Variants in VEPH1 observed in about 807,000 individuals in gnomAD.
The protein encoded by VEPH1 is ventricular zone expressed PH domain containing 1.
A neutral mutation model predicts 85.2 loss-of-function variants in VEPH1; 80 were observed. That is an observed-to-expected ratio of 0.94 (90% CI 0.78 to 1.13). The LOEUF (loss-of-function observed/expected upper bound fraction) is 1.13. Among genes scored for constraint, VEPH1 ranks in the 50% most tolerant of loss-of-function variants. The pLI is 0.00. For synonymous variants in VEPH1, 297 were observed against 348.0 expected, an observed-to-expected ratio of 0.85 and a Z score of 1.63; for missense variants, 955 against 980.5, an observed-to-expected ratio of 0.97 and a Z score of 0.35.
At chr3:157,456,028 T>C (rs1021587607) in intron 4 of VEPH1, among the ~76,000 whole-genome samples, 1 of 152,202 alleles carries the variant, frequency 6.6e-6, no homozygotes, top group Non-Finnish European at 1.5e-5. Context: ...GCATTCCTTT[T>C]TCTCCACAAC....
intron 5 of VEPH1, among the ~76,000 whole-genome samples, chr3:157,414,638 T>C (rs1490463215): frequency 1.2e-4 from 18 of 152,318 alleles, no homozygotes; most frequent in Admixed American, 5.9e-4. Flanking sequence ...ATTTATACCA[T>C]AGTCACATTA....
At chr3:157,426,805 GCT>G (rs1491581734) in intron 5 of VEPH1, among the ~76,000 whole-genome samples, 2 of 124,914 alleles carry the variant, frequency 1.6e-5, no homozygotes, top group African/African-American at 3.1e-5. Flanking sequence ...CAAATCTGTT[GCT>G]TTTTTTTTTT....
At chr3:157,465,366 G>T (rs1179776879) in intron 3 of VEPH1, among the ~76,000 whole-genome samples, 1 of 152,108 alleles carries the variant, frequency 6.6e-6, no homozygotes, top group Admixed American at 6.6e-5. Context: ...TGTTATTTTA[G>T]TCTCCTGCAG....
intron 9 of VEPH1, among the ~76,000 whole-genome samples, chr3:157,343,159 G>T (rs951761276): frequency 2.0e-5 from 3 of 152,032 alleles, no homozygotes; most frequent in Non-Finnish European, 4.4e-5. Context: ...CTAGCAGAAG[G>T]CAAGAAATAA....
chr3:157,397,856 C>G (rs1443819529), intron 6 of VEPH1, among the ~76,000 whole-genome samples: 1 of 152,204 alleles, frequency 6.6e-6, no homozygotes, highest in African/African-American at 2.4e-5. Flanking sequence ...AGCGCACAAC[C>G]ACATGCATTG....
intron 6 of VEPH1, among the ~76,000 whole-genome samples, chr3:157,411,857 C>G (rs2109025012): frequency 6.6e-6 from 1 of 152,270 alleles, no homozygotes; most frequent in African/African-American, 2.4e-5. Flanking sequence ...ACCAAATGAA[C>G]TGTTCTCTTT....
In VEPH1 at chr3:157,462,399, GC is replaced by G. The variant is rs139194272; in HGVS notation, c.355-2045del. ...ATACAGAATTGCATATTGTATGCAT[GC>G]ATTTTATAAACAACCTTTGTCTTAG... On this transcript the variant is annotated intron_variant, in intron 3 of 13. Transcript: ENST00000362010. Among the ~76,000 whole-genome samples, 565 of 152,230 alleles carry G rather than the reference GC, an allele frequency of 3.7e-3. 18 individuals are homozygous for G. The East Asian group carries it at 0.068, about 18-fold the overall frequency.
At chr3:157,493,325 C>G (rs760309731) in intron 2 of VEPH1, 1 of 455,780 alleles carries the variant, frequency 2.2e-6, no homozygotes. Context: ...GAATTGATTA[C>G]TGAGATCCAA....
At position 157,502,887 on chromosome 3, in the gene VEPH1, G is replaced by A. The variant is rs147213433; in HGVS notation, c.-158+390C>T. Among the ~76,000 whole-genome samples the A allele has an allele frequency of 3.0e-4, 45 of 152,296 alleles. 1 individual carries two copies. Among genetic ancestry groups the A allele is most frequent in the African/African-American group, 9.4e-4 (39 of 41,570 alleles). Reference sequence around the variant, plus strand: ...AATATTTAATTTTCTTTGAAAATCCGTAGGCAGAGCCAGTTTCTTTGCTGG... The same window carrying A: ...AATATTTAATTTTCTTTGAAAATCCATAGGCAGAGCCAGTTTCTTTGCTGG... On this transcript the variant is annotated intron_variant, in intron 1 of 13. Transcript: ENST00000362010.
At chr3:157,344,930 A>C (rs1026078578) in intron 9 of VEPH1, among the ~76,000 whole-genome samples, 1 of 141,444 alleles carries the variant, frequency 7.1e-6, no homozygotes, top group African/African-American at 2.5e-5. Context: ...TGGGGAAAGG[A>C]TTCCCCTATT....
intron 4 of VEPH1, among the ~76,000 whole-genome samples, chr3:157,431,325 T>C (rs771335566): frequency 3.3e-5 from 5 of 152,290 alleles, no homozygotes; most frequent in South Asian, 4.1e-4. Context: ...AGTATCTTTA[T>C]AGCAGTGTGA....
At chr3:157,459,557 A>C in intron 4 of VEPH1, 1 of 1,070,688 alleles carries the variant, frequency 9.3e-7, no homozygotes, top group Non-Finnish European at 1.2e-6. Flanking sequence ...CTCTGACTTC[A>C]AGTTCAAAAA....
In VEPH1 at chr3:157,381,251, AG is replaced by A. The variant is rs759630472; in HGVS notation, c.1031del (p.Pro344LeufsTer9). Reference sequence around the variant, plus strand: ...TCATGCGGAAGATGTCTCTGCTCTGAGGGCCCAAGATTGAGGAGAAGGTGTC... The same window carrying A: ...TCATGCGGAAGATGTCTCTGCTCTGAGGCCCAAGATTGAGGAGAAGGTGTC... ...ITDTFSSILG[P>X]QSRDIFRMSN... is the part of the protein sequence containing the mutation. On this transcript the variant is annotated frameshift_variant, in exon 7 of 14. Coordinates refer to ENST00000362010, the MANE Select transcript of VEPH1 (RefSeq NM_001167912.2). LOFTEE classifies it high-confidence loss of function. 6.2e-7 allele frequency: 1 copy of A among 1,614,034 alleles called. No homozygotes were observed. Among genetic ancestry groups the A allele is most frequent in the Non-Finnish European group, 8.5e-7 (1 of 1,179,970 alleles).
intron 4 of VEPH1, chr3:157,437,441 G>A (rs1431375924): frequency 6.5e-7 from 1 of 1,537,198 alleles, no homozygotes; most frequent in African/African-American, 1.4e-5. Context: ...CACCGAGGGA[G>A]GTCAGCTTTT....
At chr3:157,443,852 A>C (rs1734333947) in intron 4 of VEPH1, among the ~76,000 whole-genome samples, 1 of 152,214 alleles carries the variant, frequency 6.6e-6, no homozygotes, top group Non-Finnish European at 1.5e-5. Context: ...TGAAATAAGA[A>C]TCTCTAGGAC....
intron 4 of VEPH1, among the ~76,000 whole-genome samples, chr3:157,449,462 T>C (rs1295982549): frequency 6.6e-6 from 1 of 152,228 alleles, no homozygotes; most frequent in Non-Finnish European, 1.5e-5. Context: ...TCCCCTAGCA[T>C]ATACACAGTT....
chr3:157,328,788 A>AT (rs1467767050), intron 9 of VEPH1, among the ~76,000 whole-genome samples: 2 of 152,332 alleles, frequency 1.3e-5, no homozygotes, highest in South Asian at 2.1e-4. Flanking sequence ...TGGCAGGAAG[A>AT]TAAAAAAAGC....
chr3:157,488,078 A>T (rs1738823753), intron 2 of VEPH1, among the ~76,000 whole-genome samples: 1 of 152,146 alleles, frequency 6.6e-6, no homozygotes, highest in South Asian at 2.1e-4. Context: ...AAGAAACAAA[A>T]CTATAATTAT....
chr3:157,492,260 G>A (rs115976253), intron 2 of VEPH1, among the ~76,000 whole-genome samples: 18 of 152,294 alleles, frequency 1.2e-4, no homozygotes, highest in African/African-American at 3.6e-4. Context: ...GAAAGACTGA[G>A]TAAACAGACT....
Sources: allele counts gnomAD v4.1 joint callset (sites outside exome capture counted in the v4.1 genomes callset), GRCh38; gene constraint gnomAD v4.1.1; transcripts MANE v1.5; gene names NCBI Gene and HGNC (gene_info 2026-07-23, HGNC 2026-07-21).